VTN: variants seen among roughly 807,000 people sequenced by gnomAD.
The protein encoded by VTN is complement S-protein.
In VTN, 45 loss-of-function variants were observed where a neutral mutation model predicts 55.9. The observed-to-expected ratio is 0.80, with a 90% CI of 0.63 to 1.03. VTN has a LOEUF of 1.03. VTN is among the 50% of genes least tolerant of loss of function. The pLI, the probability that VTN is intolerant of heterozygous loss-of-function variation, is 0.00. For synonymous variants in VTN, 238 were observed against 242.3 expected, an observed-to-expected ratio of 0.98 and a Z score of 0.17; for missense variants, 589 against 638.2, an observed-to-expected ratio of 0.92 and a Z score of 0.83.
chr17:28,368,609 G>C lies in VTN; in HGVS notation c.891C>G (p.Ser297=). The change falls in exon 6 of 8, where the codon TCC becomes TCG. Residue 297 remains serine (S), a synonymous_variant. Transcript: ENST00000226218. ...CAAAGTGTTCAAACACAGCCGACAG[G>C]GAGCTGCCTTCACACTCCTCCTGAC... ...QPSQEECEGS[S]LSAVFEHFAM... The C allele has an allele frequency of 6.2e-7, 1 of 1,613,990 alleles. No homozygotes were observed.
chr17:28,367,381 A>G lies in VTN; in HGVS notation c.1425T>C (p.Pro475=). The G allele has an allele frequency of 6.3e-7, 1 of 1,592,904 alleles. No homozygotes were observed. Among genetic ancestry groups the G allele is most frequent in the Non-Finnish European group, 8.5e-7 (1 of 1,171,790 alleles). ...IAQYWLGCPA[P]GHL is the part of the protein sequence containing the mutation. ...TGGGCTCTGACTCCTACAGATGGCC[A>G]GGAGCTGGGCAGCCCAGCCAGTACT... is the stretch of plus-strand genomic sequence containing the variant. The change falls in exon 8 of 8, where the codon CCT becomes CCC. Residue 475 remains proline (P), a synonymous_variant. Transcript: ENST00000226218.
In VTN at chr17:28,367,896, T is replaced by A; in HGVS notation, c.1143A>T (p.Ser381=). 2 of 1,613,472 alleles carry A rather than the reference T, an allele frequency of 1.2e-6. No homozygotes were observed. Among genetic ancestry groups the A allele is most frequent in the Non-Finnish European group, 1.7e-6 (2 of 1,179,702 alleles). ...TGCGGCCACGGCTGTGGCCTCGTTGTGAACGGTAGCCTTTGCGGTTGCGAT... is the reference window on the plus strand; with the variant it reads ...TGCGGCCACGGCTGTGGCCTCGTTGAGAACGGTAGCCTTTGCGGTTGCGAT... ...FRHRNRKGYR[S]QRGHSRGRNQ... is the part of the protein sequence containing the mutation. The change falls in exon 7 of 8, where the codon TCA becomes TCT. Residue 381 remains serine, a synonymous_variant. Coordinates refer to ENST00000226218, the MANE Select transcript of VTN (RefSeq NM_000638.4).
At chr17:28,368,392 C>G (rs2067924638) in intron 6 of VTN, 129 bp downstream of exon 6, 1 of 1,338,910 alleles carries the variant, frequency 7.5e-7, no homozygotes, top group African/African-American at 1.4e-5. Flanking sequence ...GAAGCAAAGT[C>G]TGGCCTGAGC....
intron 6 of VTN, 63 bp from the exon 7 acceptor site, chr17:28,368,122 G>T: frequency 2.1e-6 from 3 of 1,414,740 alleles, no homozygotes; most frequent in Non-Finnish European, 2.9e-6. Context: ...TTCCAGCGGG[G>T]CCATTAGAGT....
Position 28,369,619 on chromosome 17 carries a change from A to G in VTN, c.417T>C (p.Pro139=), listed in dbSNP as rs1286380243. Residue 139 remains proline (P), a synonymous_variant, in exon 3 of 8, where the codon CCT becomes CCC. Transcript: ENST00000226218. The surrounding 1 kb of genome is among the most constrained non-coding windows in gnomAD (Gnocchi z 5.3). ...GAGGTCTCCCTGGATGAAGGGTCTCAGGCCTTGAGTCTATCCCCTCAGGCT... is the reference window on the plus strand; with the variant it reads ...GAGGTCTCCCTGGATGAAGGGTCTCGGGCCTTGAGTCTATCCCCTCAGGCT... ...ASKPEGIDSR[P]ETLHPGRPQP... The G allele has an allele frequency of 6.2e-7, 1 of 1,613,586 alleles. No homozygotes were observed. The highest frequency in any genetic ancestry group is 8.5e-7 in the Non-Finnish European group (1 of 1,180,030).
In VTN at chr17:28,368,542, G is replaced by A; in HGVS notation, c.958C>T (p.Leu320Phe). ...ATACCAGAGGTTCTGCCCCAGAAGA[G>A]AAGCTCGAAGATGTCCTCCCAGCTG... ...RDSWEDIFEL[L>F]FWGRTSAGTR... is the part of the protein sequence containing the mutation. The change falls in exon 6 of 8, where the codon CTC (leucine) becomes TTC (phenylalanine). Residue 320 changes from leucine (L) to phenylalanine (F), a missense_variant. Coordinates refer to ENST00000226218, the MANE Select transcript of VTN (RefSeq NM_000638.4). The A allele has an allele frequency of 6.2e-7, 1 of 1,614,026 alleles. No individual in the cohort carries two copies. The highest frequency in any genetic ancestry group is 2.2e-5 in the East Asian group (1 of 44,884).
rs782030246 is a variant in VTN, at chr17:28,370,007, T to A, written c.104A>T (p.Asp35Val). Residue 35 changes from aspartate to valine, a missense_variant, in exon 2 of 8, where the codon GAC (aspartate) becomes GTC (valine). Asp to Val is a radical substitution (Grantham distance 152). Around this residue, in one of 3 missense-constraint regions of VTN, gnomAD observed 217 missense variants for 241.3 expected, o/e 0.90. Coordinates refer to ENST00000226218, the MANE Select transcript of VTN (RefSeq NM_000638.4). ...GAGCTCGTCACACTGGCACTTCTTG[T>A]CCACGTTGAAGCCCTCAGTGCAGCG... ...KGRCTEGFNV[D>V]KKCQCDELCS... 1.2e-6 allele frequency: 2 copies of A among 1,614,120 alleles called. No homozygotes were observed. Among genetic ancestry groups the A allele is most frequent in the South Asian group, 1.1e-5 (1 of 91,090 alleles).
At chr17:28,368,118 C>G in intron 6 of VTN, 59 bp from the exon 7 acceptor site, 1 of 1,431,064 alleles carries the variant, frequency 7.0e-7, no homozygotes, top group Non-Finnish European at 9.4e-7. Context: ...CCCCTTCCAG[C>G]GGGGCCATTA....
chr17:28,368,154 A>G, intron 6 of VTN, 95 bp from the exon 7 acceptor site: 1 of 1,126,656 alleles, frequency 8.9e-7, no homozygotes, highest in East Asian at 2.6e-5. Flanking sequence ...ACCTTGCCCA[A>G]AGACACACAG....
In VTN at chr17:28,368,682, C is replaced by A. The variant is rs782111761; in HGVS notation, c.827-9G>T. 1 of 1,612,960 alleles carries A rather than the reference C, an allele frequency of 6.2e-7. No homozygotes were observed. The highest frequency in any genetic ancestry group is 1.1e-5 in the South Asian group (1 of 91,022). On this transcript the variant is annotated splice_polypyrimidine_tract_variant and intron_variant, in intron 5 of 7. Transcript: ENST00000226218. ...CTCCCAGTACTGTTTCCCTGAGGAG[C>A]AGGGTGGTGGGCATTAGGAGGGCTG...
At position 28,369,960 on chromosome 17, in the gene VTN, A is replaced by G. The variant is rs782552216; in HGVS notation, c.151T>C (p.Cys51Arg). The G allele has an allele frequency of 6.2e-7, 1 of 1,614,114 alleles. No homozygotes were observed. The highest frequency in any genetic ancestry group is 8.5e-7 in the Non-Finnish European group (1 of 1,180,028). The change falls in exon 2 of 8, where the codon TGC becomes CGC. Residue 51 changes from cysteine (C) to arginine (R), a missense_variant. By Grantham distance (180) the Cys-to-Arg change is radical (BLOSUM62 -3). Around this residue, in one of 3 missense-constraint regions of VTN, gnomAD observed 217 missense variants for 241.3 expected, o/e 0.90. Coordinates refer to ENST00000226218, the MANE Select transcript of VTN (RefSeq NM_000638.4). The surrounding 1 kb of genome is among the most constrained non-coding windows in gnomAD (Gnocchi z 5.3). ...TTGCACTCAGCCGTATAGTCTGTGC[A>G]GCAGCTCTGGTAGTAAGAGCAGAGC... is the stretch of plus-strand genomic sequence containing the variant. ...DELCSYYQSC[C>R]TDYTAECKPQ... is the part of the protein sequence containing the mutation.
chr17:28,367,619 TG>T, intron 7 of VTN, 95 bp downstream of exon 7: 1 of 1,443,154 alleles, frequency 6.9e-7, no homozygotes, highest in Non-Finnish European at 9.6e-7. Flanking sequence ...TGGCTTTCTG[TG>T]GTCACTACTT....
In VTN at chr17:28,369,075, G is replaced by A. The variant is rs782234217; in HGVS notation, c.670-47C>T. On this transcript the variant is annotated intron_variant, in intron 4 of 7. Coordinates refer to ENST00000226218, the MANE Select transcript of VTN (RefSeq NM_000638.4). The surrounding 1 kb of genome is among the most constrained non-coding windows in gnomAD (Gnocchi z 5.3). ...AAGGGGTATGGAGGCCGCTGGCTGG[G>A]CACAGAGGCAGAGTCCCTTGCCCTA... 9 of 1,541,860 alleles carry A rather than the reference G, an allele frequency of 5.8e-6. No individual in the cohort carries two copies. The highest frequency in any genetic ancestry group is 7.8e-6 in the Non-Finnish European group (9 of 1,149,582).
In VTN at chr17:28,367,459, A is replaced by G; in HGVS notation, c.1347T>C (p.Leu449=). ...CCACAGTGTCCACTCGCCGTGTGCG[A>G]AGATTGACTCGGTAGTACTTGTCTG... ...FSGDKYYRVN[L]RTRRVDTVDP... is the part of the protein sequence containing the mutation. The change falls in exon 8 of 8, where the codon CTT becomes CTC. Residue 449 remains leucine, a synonymous_variant. Coordinates refer to ENST00000226218, the MANE Select transcript of VTN (RefSeq NM_000638.4). 4 of 1,613,820 alleles carry G rather than the reference A, an allele frequency of 2.5e-6. No individual in the cohort carries two copies. In the South Asian group the frequency reaches 4.4e-5, roughly 18 times the overall value.
chr17:28,367,614 T>C, intron 7 of VTN, 101 bp downstream of exon 7: 2 of 1,441,876 alleles, frequency 1.4e-6, no homozygotes, highest in Non-Finnish European at 1.9e-6. Flanking sequence ...TGGCCTGGCT[T>C]TCTGTGGTCA....
Position 28,368,552 on chromosome 17 carries a change from G to T in VTN, c.948C>A (p.Ile316=), listed in dbSNP as rs143380142. 1.9e-6 allele frequency: 3 copies of T among 1,614,056 alleles called. No homozygotes were observed. Among genetic ancestry groups the T allele is most frequent in the Non-Finnish European group, 2.5e-6 (3 of 1,180,026 alleles). Residue 316 remains isoleucine (I), a synonymous_variant, in exon 6 of 8, where the codon ATC becomes ATA. Coordinates refer to ENST00000226218, the MANE Select transcript of VTN (RefSeq NM_000638.4). The part of the protein sequence containing the change: ...AMMQRDSWED[I]FELLFWGRTS... ...TTCTGCCCCAGAAGAGAAGCTCGAA[G>T]ATGTCCTCCCAGCTGTCCCGCTGCA... is the stretch of plus-strand genomic sequence containing the variant.
rs2067914699 is a variant in VTN, at chr17:28,367,500, G to A, written c.1325-19C>T. 10 of 1,601,120 alleles carry A rather than the reference G, an allele frequency of 6.2e-6. No individual in the cohort carries two copies. Among genetic ancestry groups the A allele is most frequent in the Non-Finnish European group, 8.6e-6 (10 of 1,169,160 alleles). On this transcript the variant is annotated intron_variant, in intron 7 of 7. Coordinates refer to ENST00000226218, the MANE Select transcript of VTN (RefSeq NM_000638.4). The stretch of plus-strand genomic sequence containing the variant: ...TACTTGTCTGGAAGAGAGGAAAGCA[G>A]AGGATGCGTGAGGCCCAGCCTGGCC...
In VTN at chr17:28,367,758, A is replaced by G. The variant is rs782656685; in HGVS notation, c.1281T>C (p.Pro427=). ...CACTCTGGATGGGTTCACAGGTGGC[A>G]GGCACAAGCCAGTCCATCCTGTAGT... ...YDDYRMDWLV[P]ATCEPIQSVF... The change falls in exon 7 of 8, where the codon CCT becomes CCC. Residue 427 remains proline (P), a synonymous_variant. Transcript: ENST00000226218. 1 of 1,613,760 alleles carries G rather than the reference A, an allele frequency of 6.2e-7. No individual in the cohort carries two copies. Among genetic ancestry groups the G allele is most frequent in the Admixed American group, 1.7e-5 (1 of 60,004 alleles).
Position 28,369,047 on chromosome 17 carries a change from GA to G in VTN, c.670-20del. 6.4e-7 allele frequency: 1 copy of G among 1,570,826 alleles called. No individual in the cohort carries two copies. The highest frequency in any genetic ancestry group is 8.6e-7 in the Non-Finnish European group (1 of 1,164,000). On this transcript the variant is annotated intron_variant, in intron 4 of 7. Transcript: ENST00000226218. The surrounding 1 kb of genome is among the most constrained non-coding windows in gnomAD (Gnocchi z 5.3). ...GACTACCCTAAGAGGTGGGGAAAGT[GA>G]AAAGGGGTATGGAGGCCGCTGGCTG...
Sources: gnomAD v4.1 joint callset for allele counts on GRCh38, gnomAD v4.1.1 for gene constraint, gnomAD v4.1.1 regional missense constraint, Gnocchi (gnomAD v3.1) non-coding constraint, MANE v1.5 for transcripts, NCBI Gene and HGNC (gene_info 2026-07-23, HGNC 2026-07-21) for gene names.